CTNNA3: variants seen among roughly 807,000 people sequenced by gnomAD.
The protein encoded by CTNNA3 is catenin alpha 3.
A neutral mutation model predicts 95.7 loss-of-function variants in CTNNA3; 76 were observed. That is an observed-to-expected ratio of 0.79 (90% CI 0.66 to 0.96). The LOEUF (loss-of-function observed/expected upper bound fraction) is 0.96, where lower values mean the gene tolerates loss of function less well. CTNNA3 is among the 40% of genes least tolerant of loss of function. The pLI is 0.00. For synonymous variants in CTNNA3, 431 were observed against 374.4 expected, an observed-to-expected ratio of 1.15 and a Z score of -1.74; for missense variants, 1,191 against 1,089.8, an observed-to-expected ratio of 1.09 and a Z score of -1.31.
At chr10:66,535,707 G>T (rs1271793941) in intron 10 of CTNNA3, among the ~76,000 whole-genome samples, 1 of 152,120 alleles carries the variant, frequency 6.6e-6, no homozygotes, top group Non-Finnish European at 1.5e-5. Flanking sequence ...TTTCAACCCT[G>T]TGGTGAGGGA....
intron 7 of CTNNA3, among the ~76,000 whole-genome samples, chr10:67,087,358 A>G (rs546066910): frequency 6.6e-6 from 1 of 152,104 alleles, no homozygotes; most frequent in East Asian, 1.9e-4. Flanking sequence ...AATTTGAAAA[A>G]CACAGATATT....
At chr10:66,807,871 C>G (rs1292275578) in intron 7 of CTNNA3, among the ~76,000 whole-genome samples, 1 of 152,054 alleles carries the variant, frequency 6.6e-6, no homozygotes, top group East Asian at 1.9e-4. Context: ...CTTCTTTAAT[C>G]CACTTTGACT....
intron 7 of CTNNA3, among the ~76,000 whole-genome samples, chr10:66,905,429 T>C (rs977897981): frequency 1.3e-5 from 2 of 151,876 alleles, no homozygotes; most frequent in Non-Finnish European, 2.9e-5. Flanking sequence ...AAATGACGAG[T>C]TGATGGGTGC....
At chr10:67,625,718 C>G (rs1454157021) in intron 2 of CTNNA3, among the ~76,000 whole-genome samples, 2 of 151,164 alleles carry the variant, frequency 1.3e-5, no homozygotes, top group African/African-American at 4.9e-5. Context: ...CCTGTACACT[C>G]AATTGCCTGC....
intron 15 of CTNNA3, among the ~76,000 whole-genome samples, chr10:66,043,982 G>A (rs2079763798): frequency 6.8e-6 from 1 of 148,048 alleles, no homozygotes; most frequent in African/African-American, 2.4e-5. Flanking sequence ...GTGTGTGTGT[G>A]TGTGTGTGTG....
At chr10:66,185,116 T>C (rs2086260691) in intron 13 of CTNNA3, among the ~76,000 whole-genome samples, 1 of 152,190 alleles carries the variant, frequency 6.6e-6, no homozygotes, top group Admixed American at 6.5e-5. Context: ...CTCCTATCTT[T>C]CCTACTGAAT....
intron 7 of CTNNA3, among the ~76,000 whole-genome samples, chr10:66,929,695 T>C (rs1297568054): frequency 6.6e-6 from 1 of 152,220 alleles, no homozygotes; most frequent in African/African-American, 2.4e-5. Flanking sequence ...CGTTCATCTG[T>C]ATTGTGAACT....
intron 11 of CTNNA3, among the ~76,000 whole-genome samples, chr10:66,487,368 A>AT (rs1457559896): frequency 6.6e-6 from 1 of 151,308 alleles, no homozygotes; most frequent in East Asian, 2.0e-4. Flanking sequence ...CGCCCGGCTA[A>AT]TTTTTTGTAT....
intron 16 of CTNNA3, among the ~76,000 whole-genome samples, chr10:65,970,422 T>C (rs1337824954): frequency 6.6e-6 from 1 of 151,938 alleles, no homozygotes; most frequent in African/African-American, 2.4e-5. Context: ...ATCTTGCATA[T>C]TAATATTATC....
chr10:66,706,553 AT>A (rs1302578499), intron 9 of CTNNA3, among the ~76,000 whole-genome samples: 2 of 151,944 alleles, frequency 1.3e-5, no homozygotes. Context: ...CACAGAAGCC[AT>A]TACTGCCTCA....
intron 13 of CTNNA3, among the ~76,000 whole-genome samples, chr10:66,136,052 C>T (rs1430590110): frequency 6.6e-6 from 1 of 152,050 alleles, no homozygotes; most frequent in East Asian, 1.9e-4. Context: ...CAGGCGCCCA[C>T]CACCACGCCT....
intron 12 of CTNNA3, among the ~76,000 whole-genome samples, chr10:66,339,328 G>T (rs1265095958): frequency 1.3e-5 from 2 of 151,630 alleles, no homozygotes; most frequent in South Asian, 2.1e-4. Context: ...GCAAAGGAGA[G>T]AAAAATATGG....
intron 11 of CTNNA3, among the ~76,000 whole-genome samples, chr10:66,465,121 C>T (rs1485150584): frequency 1.3e-5 from 2 of 152,222 alleles, no homozygotes; most frequent in African/African-American, 4.8e-5. Flanking sequence ...AATAAATTGC[C>T]TGTTAGAAGC....
At chr10:67,705,493 T>C (rs1481976545) in intron 1 of CTNNA3, among the ~76,000 whole-genome samples, 4 of 147,750 alleles carry the variant, frequency 2.7e-5, no homozygotes, top group Admixed American at 6.8e-5. Context: ...ATGGATGAAA[T>C]TGGAAATCAT....
At chr10:67,638,559 C>T (rs528098989) in intron 2 of CTNNA3, among the ~76,000 whole-genome samples, 1 of 152,300 alleles carries the variant, frequency 6.6e-6, no homozygotes, top group South Asian at 2.1e-4. Flanking sequence ...AATATACATT[C>T]TTCTCAGCAC....
At chr10:66,246,267 G>A (rs1275189492) in intron 13 of CTNNA3, among the ~76,000 whole-genome samples, 1 of 152,128 alleles carries the variant, frequency 6.6e-6, no homozygotes, top group Non-Finnish European at 1.5e-5. Flanking sequence ...CCCCAAGAGT[G>A]CAGGGATGTC....
intron 7 of CTNNA3, among the ~76,000 whole-genome samples, chr10:67,128,952 G>C (rs1371638578): frequency 6.6e-6 from 1 of 151,878 alleles, no homozygotes; most frequent in Non-Finnish European, 1.5e-5. Flanking sequence ...GGCTAATCAT[G>C]AAAAAGTGTA....
At chr10:66,324,506 GC>G (rs1396171195) in intron 12 of CTNNA3, among the ~76,000 whole-genome samples, 3 of 152,126 alleles carry the variant, frequency 2.0e-5, no homozygotes, top group Non-Finnish European at 4.4e-5. Flanking sequence ...AGACAGCAAG[GC>G]TAAGACAGCA....
chr10:66,493,246 T>A (rs1839984048), intron 11 of CTNNA3, among the ~76,000 whole-genome samples: 2 of 152,174 alleles, frequency 1.3e-5, no homozygotes, highest in African/African-American at 4.8e-5. Flanking sequence ...CAATTAATAA[T>A]AATACAGTGT....
Sources: gnomAD v4.1 joint callset for allele counts (sites outside exome capture counted in the v4.1 genomes callset) on GRCh38, gnomAD v4.1.1 for gene constraint, MANE v1.5 for transcripts, NCBI Gene and HGNC (gene_info 2026-07-23, HGNC 2026-07-21) for gene names.